Variants in FGF10 observed in about 807,000 individuals in gnomAD.
FGF10 encodes the protein fibroblast growth factor 10, also known as FGF-10.
FGF10 carries 2 observed loss-of-function variants against 19.8 expected under a neutral mutation model. The ratio of observed to expected loss-of-function variants is 0.10; its 90% CI spans 0.04 to 0.32. The LOEUF (loss-of-function observed/expected upper bound fraction) is 0.32. Among genes scored for constraint, FGF10 ranks in the 10% least tolerant of loss-of-function variants. The pLI, the probability that FGF10 is intolerant of heterozygous loss-of-function variation, is 1.00. For missense variants in FGF10, 191 were observed against 246.3 expected, an observed-to-expected ratio of 0.78 and a Z score of 1.50; for synonymous variants, 112 against 94.0, an observed-to-expected ratio of 1.19 and a Z score of -1.10.
chr5:44,335,735 A>G (rs1322974629), intron 1 of FGF10, among the ~76,000 whole-genome samples: 1 of 152,122 alleles, frequency 6.6e-6, no homozygotes, highest in Non-Finnish European at 1.5e-5. Flanking sequence ...CACTTTATTG[A>G]CTATACAGAT....
chr5:44,314,336 TAA>T (rs1207287109), intron 1 of FGF10, among the ~76,000 whole-genome samples: 1 of 152,124 alleles, frequency 6.6e-6, no homozygotes, highest in African/African-American at 2.4e-5. Flanking sequence ...TCTACAAATA[TAA>T]AATTGTTTAA....
intron 1 of FGF10, among the ~76,000 whole-genome samples, chr5:44,315,525 T>C (rs1297323283): frequency 6.6e-6 from 1 of 152,158 alleles, no homozygotes; most frequent in Admixed American, 6.6e-5. Context: ...GTGAGGAATG[T>C]ACTTTCCAAA....
intron 1 of FGF10, among the ~76,000 whole-genome samples, chr5:44,376,509 A>AAAAAAAAAAAAAAAAC (rs1741864494): frequency 1.4e-5 from 2 of 141,800 alleles, no homozygotes; most frequent in African/African-American, 5.3e-5. Context: ...AAAAAAAAAA[A>AAAAAAAAAAAAAAAAC]AAAAAAAACA....
At chr5:44,318,678 T>A (rs1740412806) in intron 1 of FGF10, among the ~76,000 whole-genome samples, 2 of 152,122 alleles carry the variant, frequency 1.3e-5, no homozygotes, top group Non-Finnish European at 2.9e-5. Context: ...GAATGCAAAA[T>A]AATGTTAGAA....
chr5:44,350,535 G>A (rs1579924921), intron 1 of FGF10, among the ~76,000 whole-genome samples: 3 of 150,746 alleles, frequency 2.0e-5, no homozygotes, highest in African/African-American at 7.3e-5. Flanking sequence ...CAATAAAAAA[G>A]TAATGTTTAC....
chr5:44,381,959 C>G (rs2973643), intron 1 of FGF10, among the ~76,000 whole-genome samples: 1 of 152,148 alleles, frequency 6.6e-6, no homozygotes, highest in African/African-American at 2.4e-5. Flanking sequence ...TAGATGATTC[C>G]TTAAGAGCTC....
chr5:44,360,561 C>G (rs1383967786), intron 1 of FGF10, among the ~76,000 whole-genome samples: 1 of 151,622 alleles, frequency 6.6e-6, no homozygotes, highest in Non-Finnish European at 1.5e-5. Context: ...TACCTCTTGT[C>G]TACCTCATGG....
intron 1 of FGF10, among the ~76,000 whole-genome samples, chr5:44,379,030 C>A (rs1741931012): frequency 6.6e-6 from 1 of 152,176 alleles, no homozygotes; most frequent in Non-Finnish European, 1.5e-5. Context: ...CAAACTCTCC[C>A]TTTGCAGTTC....
chr5:44,318,483 A>G (rs922793440), intron 1 of FGF10, among the ~76,000 whole-genome samples: 1 of 152,032 alleles, frequency 6.6e-6, no homozygotes, highest in Non-Finnish European at 1.5e-5. Flanking sequence ...TTTTGTCTCT[A>G]TTCTTATCTA....
chr5:44,362,069 C>T (rs938835279), intron 1 of FGF10, among the ~76,000 whole-genome samples: 1 of 151,590 alleles, frequency 6.6e-6, no homozygotes, highest in South Asian at 2.1e-4. Flanking sequence ...CCAGATAAAA[C>T]ACATAGAAGA....
In FGF10 at chr5:44,302,556, G is replaced by A. The variant is rs1437129668; in HGVS notation, c.*2439C>T. On this transcript the variant is annotated 3_prime_UTR_variant, in exon 3 of 3. Transcript: ENST00000264664. The stretch of plus-strand genomic sequence containing the variant: ...TTTTGTTTTGTTTTGTTTAAGAGAA[G>A]GATGTCTCACTAGGTTTCTCAGGCC... 6.6e-6 allele frequency among the ~76,000 whole-genome samples: 1 copy of A among 152,010 alleles called. No individual in the cohort carries two copies. Among genetic ancestry groups the A allele is most frequent in the East Asian group, 1.9e-4 (1 of 5,164 alleles).
At chr5:44,346,312 T>C (rs1184908596) in intron 1 of FGF10, among the ~76,000 whole-genome samples, 2 of 151,686 alleles carry the variant, frequency 1.3e-5, no homozygotes, top group South Asian at 4.2e-4. Context: ...ATTTCCTTCA[T>C]TTTTCCCAGT....
At chr5:44,380,705 G>A (rs1031350628) in intron 1 of FGF10, among the ~76,000 whole-genome samples, 2 of 152,162 alleles carry the variant, frequency 1.3e-5, no homozygotes, top group Admixed American at 6.5e-5. Context: ...TTCAGGCTGG[G>A]TATGGTGGCT....
chr5:44,338,422 G>GT (rs1220081397), intron 1 of FGF10, among the ~76,000 whole-genome samples: 1 of 152,174 alleles, frequency 6.6e-6, no homozygotes, highest in Non-Finnish European at 1.5e-5. Flanking sequence ...GAAGCTCTGT[G>GT]TAGACCTCCT....
chr5:44,338,607 G>A lies in FGF10; in HGVS notation c.326-28077C>T, dbSNP rs1206390867. On this transcript the variant is annotated intron_variant, in intron 1 of 2. Coordinates refer to ENST00000264664, the MANE Select transcript of FGF10 (RefSeq NM_004465.2). ...AAAAGATCAGCAAAGCTTTTCCCTT[G>A]TCTTCCCTCATCACAACACAAGTTC... 3.3e-5 allele frequency among the ~76,000 whole-genome samples: 5 copies of A among 152,090 alleles called. No homozygotes were observed. The East Asian group carries it at 9.6e-4, about 29-fold the overall frequency.
In FGF10 at chr5:44,388,641, G is replaced by A. The variant is rs1269453738; in HGVS notation, c.42C>T (p.Pro14=). The change falls in exon 1 of 3, where the codon CCC becomes CCT. Residue 14 remains proline, a synonymous_variant. Coordinates refer to ENST00000264664, the MANE Select transcript of FGF10 (RefSeq NM_004465.2). ...WILTHCASAF[P]HLPGCCCCCF... is the part of the protein sequence containing the mutation. ...AGCAGCAGCAGCAGCCGGGCAGGTGGGGAAAGGCTGAGGCACAATGTGTCA... is the reference window on the plus strand; with the variant it reads ...AGCAGCAGCAGCAGCCGGGCAGGTGAGGAAAGGCTGAGGCACAATGTGTCA... The A allele has an allele frequency of 8.7e-6, 14 of 1,614,136 alleles. No homozygotes were observed. Among genetic ancestry groups the A allele is most frequent in the South Asian group, 7.7e-5 (7 of 91,070 alleles).
At chr5:44,382,329 C>T (rs1391483161) in intron 1 of FGF10, among the ~76,000 whole-genome samples, 1 of 152,110 alleles carries the variant, frequency 6.6e-6, no homozygotes, top group Non-Finnish European at 1.5e-5. Flanking sequence ...TGTGGGTGAC[C>T]TGGCTCCCTT....
intron 1 of FGF10, among the ~76,000 whole-genome samples, chr5:44,363,575 A>G (rs1741538567): frequency 6.6e-6 from 1 of 151,888 alleles, no homozygotes; most frequent in Non-Finnish European, 1.5e-5. Flanking sequence ...ACACTCAAGA[A>G]GCACCAAAAA....
At chr5:44,324,484 G>A (rs998279136) in intron 1 of FGF10, among the ~76,000 whole-genome samples, 3 of 152,008 alleles carry the variant, frequency 2.0e-5, no homozygotes, top group Non-Finnish European at 1.5e-5. Context: ...TTGAAGAAAT[G>A]TTTTTATTTA....
Sources: gnomAD v4.1 joint callset for allele counts (sites outside exome capture counted in the v4.1 genomes callset) on GRCh38, gnomAD v4.1.1 for gene constraint, MANE v1.5 for transcripts, NCBI Gene and HGNC (gene_info 2026-07-23, HGNC 2026-07-21) for gene names.